The following DDHD1 variants were observed in gnomAD, a reference collection of about 807,000 sequenced individuals.
The protein encoded by DDHD1 is DDHD domain containing 1, also known as phospholipase DDHD1.
A neutral mutation model predicts 96.4 loss-of-function variants in DDHD1; 49 were observed. The observed-to-expected ratio is 0.51, with a 90% CI of 0.40 to 0.64. The LOEUF (loss-of-function observed/expected upper bound fraction) is 0.64, where lower values mean the gene tolerates loss of function less well. Ranked by LOEUF, DDHD1 falls within the 30% of genes least tolerant of loss-of-function variation. The pLI, the probability that DDHD1 is intolerant of heterozygous loss-of-function variation, is 0.00. For synonymous variants in DDHD1, 442 were observed against 446.5 expected, an observed-to-expected ratio of 0.99 and a Z score of 0.13; for missense variants, 1,106 against 1,161.2, an observed-to-expected ratio of 0.95 and a Z score of 0.69.
At chr14:53,146,495 C>CA (rs11399058) in intron 1 of DDHD1, among the ~76,000 whole-genome samples, 114,396 of 137,566 alleles carry the variant, frequency 0.83, 47,072 homozygotes, top group East Asian at 0.92. Flanking sequence ...CAGAGCATCT[C>CA]AAAAAAAAAA....
At chr14:53,114,303 T>C (rs1888378903) in intron 1 of DDHD1, among the ~76,000 whole-genome samples, 2 of 152,162 alleles carry the variant, frequency 1.3e-5, no homozygotes, top group African/African-American at 2.4e-5. Flanking sequence ...CTTCAGCAGA[T>C]TTAATCTTTC....
At chr14:53,096,208 G>A in intron 2 of DDHD1, 1 of 984,830 alleles carries the variant, frequency 1.0e-6, no homozygotes, top group Non-Finnish European at 1.2e-6. Flanking sequence ...AGGGAGGGAG[G>A]TGGTAGACAA....
intron 4 of DDHD1, among the ~76,000 whole-genome samples, chr14:53,090,414 C>T (rs947242121): frequency 3.3e-5 from 5 of 152,172 alleles, no homozygotes; most frequent in Non-Finnish European, 7.3e-5. Context: ...ACTATGAAGA[C>T]ATATGCACAC....
intron 4 of DDHD1, among the ~76,000 whole-genome samples, chr14:53,077,335 T>TTTA (rs1885058497): frequency 6.6e-6 from 1 of 152,190 alleles, no homozygotes; most frequent in Non-Finnish European, 1.5e-5. Flanking sequence ...TCTTCATTTG[T>TTTA]TTATAGGCTT....
At position 53,152,955 on chromosome 14, in the gene DDHD1, G is replaced by T; in HGVS notation, c.144C>A (p.Asp48Glu). 3.1e-6 allele frequency: 5 copies of T among 1,589,102 alleles called. No homozygotes were observed. Among genetic ancestry groups the T allele is most frequent in the Non-Finnish European group, 4.3e-6 (5 of 1,170,688 alleles). ...CCAGGGGCACGTCGCCGTCGTCCGG[G>T]TCCCCGCCGGGCAGGTGCTCGAAGC... ...VCCFEHLPGG[D>E]PDDGDVPLAL... The change falls in exon 1 of 13, where the codon GAC becomes GAA. Residue 48 changes from aspartate to glutamate, a missense_variant. Transcript: ENST00000673822.
chr14:53,150,820 T>C (rs1281263339), intron 1 of DDHD1, among the ~76,000 whole-genome samples: 1 of 152,204 alleles, frequency 6.6e-6, no homozygotes, highest in Non-Finnish European at 1.5e-5. Flanking sequence ...GTTATGCACA[T>C]ATAAATATTC....
intron 7 of DDHD1, among the ~76,000 whole-genome samples, 185 bp downstream of exon 7, chr14:53,062,758 A>C (rs559591050): frequency 1.3e-5 from 2 of 152,336 alleles, no homozygotes; most frequent in South Asian, 4.1e-4. Context: ...TTTATGCTAC[A>C]GGAAAATGCA....
intron 4 of DDHD1, among the ~76,000 whole-genome samples, chr14:53,089,635 G>GTAGAAA (rs1474454101): frequency 8.5e-5 from 13 of 152,116 alleles, no homozygotes; most frequent in African/African-American, 2.9e-4. Context: ...CTAGCCATAT[G>GTAGAAA]CAGAAAGCTG....
intron 2 of DDHD1, among the ~76,000 whole-genome samples, chr14:53,102,798 C>T (rs547789434): frequency 2.3e-4 from 35 of 150,680 alleles, no homozygotes; most frequent in Non-Finnish European, 4.3e-4. Context: ...CCACATAATT[C>T]GTTTTTTTCA....
chr14:53,053,602 A>G (rs1017639809), intron 11 of DDHD1: 9 of 152,280 alleles, frequency 5.9e-5, no homozygotes, highest in African/African-American at 2.2e-4. Flanking sequence ...TAAGAACACA[A>G]TACTCTAAGT....
intron 9 of DDHD1, 95 bp from the exon 10 acceptor site, chr14:53,056,007 A>C (rs1233616582): frequency 2.0e-6 from 2 of 1,025,516 alleles, no homozygotes; most frequent in East Asian, 2.5e-5. Flanking sequence ...TGTTAAGTAA[A>C]CCTCCGAGAA....
intron 1 of DDHD1, among the ~76,000 whole-genome samples, chr14:53,129,429 C>T (rs1056654809): frequency 4.6e-5 from 7 of 152,218 alleles, no homozygotes; most frequent in South Asian, 2.1e-4. Context: ...ACAGAGGAGA[C>T]GCGTTTTATC....
chr14:53,123,115 G>GTTATTA (rs139846735), intron 1 of DDHD1, among the ~76,000 whole-genome samples: 3,435 of 138,408 alleles, frequency 0.025, 81 homozygotes, highest in African/African-American at 0.052. Flanking sequence ...GATAATTGCT[G>GTTATTA]TTATTATTAT....
chr14:53,107,039 T>C (rs1198780597), intron 1 of DDHD1, among the ~76,000 whole-genome samples: 1 of 152,180 alleles, frequency 6.6e-6, no homozygotes, highest in Non-Finnish European at 1.5e-5. Context: ...TTTGAATCTA[T>C]TCTCCACGGG....
At chr14:53,065,169 GAGTTAA>G (rs1883915870) in intron 6 of DDHD1, among the ~76,000 whole-genome samples, 1 of 152,122 alleles carries the variant, frequency 6.6e-6, no homozygotes, top group South Asian at 2.1e-4. Flanking sequence ...CACTGCTCAA[GAGTTAA>G]AATTTACGAA....
At chr14:53,047,033 A>T (rs1024441974) in intron 12 of DDHD1, 84 bp from the exon 13 acceptor site, 5 of 1,095,786 alleles carry the variant, frequency 4.6e-6, no homozygotes, top group Non-Finnish European at 4.9e-6. Flanking sequence ...GAGAGTAAAA[A>T]TTTAGCTAAA....
At chr14:53,086,494 T>C (rs927455211) in intron 4 of DDHD1, among the ~76,000 whole-genome samples, 1 of 152,156 alleles carries the variant, frequency 6.6e-6, no homozygotes, top group Non-Finnish European at 1.5e-5. Context: ...TGGGGGCCAA[T>C]ATTCAACATT....
intron 4 of DDHD1, among the ~76,000 whole-genome samples, chr14:53,085,659 G>C (rs1347910062): frequency 6.6e-6 from 1 of 152,152 alleles, no homozygotes; most frequent in Non-Finnish European, 1.5e-5. Flanking sequence ...CATCATCAAA[G>C]AACAAAGGTA....
intron 6 of DDHD1, among the ~76,000 whole-genome samples, chr14:53,067,639 T>C (rs527236743): frequency 7.9e-5 from 12 of 152,142 alleles, no homozygotes; most frequent in Non-Finnish European, 1.0e-4. Flanking sequence ...GTATTTTTAG[T>C]AGAGACAGAG....
Sources: gnomAD v4.1 joint callset for allele counts (sites outside exome capture counted in the v4.1 genomes callset) on GRCh38, gnomAD v4.1.1 for gene constraint, MANE v1.5 for transcripts, NCBI Gene and HGNC (gene_info 2026-07-23, HGNC 2026-07-21) for gene names.